The following TLE4 variants were observed in gnomAD, a reference collection of about 807,000 sequenced individuals.
The protein encoded by TLE4 is transducin-like enhancer protein 4.
A neutral mutation model predicts 92.8 loss-of-function variants in TLE4; 8 were observed. The observed-to-expected ratio is 0.09, with a 90% CI of 0.05 to 0.16. TLE4 has a LOEUF of 0.16. Among genes scored for constraint, TLE4 ranks in the 10% least tolerant of loss-of-function variants. The pLI is 1.00. For synonymous variants in TLE4, 371 were observed against 374.1 expected (o/e 0.99, Z 0.10); for missense variants, 675 against 997.6 (o/e 0.68, Z 4.36).
chr9:79,625,530 A>G (rs1344879953), intron 5 of TLE4, among the ~76,000 whole-genome samples: 1 of 152,128 alleles, frequency 6.6e-6, no homozygotes, highest in African/African-American at 2.4e-5. Context: ...TAGGAAAGTA[A>G]AAGGTGGAAA....
intron 4 of TLE4, among the ~76,000 whole-genome samples, chr9:79,579,636 ATG>A (rs1195385402): frequency 6.6e-6 from 1 of 151,988 alleles, no homozygotes; most frequent in Non-Finnish European, 1.5e-5. Context: ...TGTATGTTTT[ATG>A]TGTGTATTTT....
intron 8 of TLE4, among the ~76,000 whole-genome samples, chr9:79,665,585 A>G (rs1304843066): frequency 6.6e-6 from 1 of 152,248 alleles, no homozygotes; most frequent in African/African-American, 2.4e-5. Flanking sequence ...AATGCATGCA[A>G]ACATGAACCT....
At chr9:79,600,272 A>G (rs1392695311) in intron 4 of TLE4, among the ~76,000 whole-genome samples, 3 of 152,230 alleles carry the variant, frequency 2.0e-5, no homozygotes, top group Admixed American at 6.5e-5. Flanking sequence ...AAAAAAGAAG[A>G]AAACAAACAA....
chr9:79,588,135 CGTGT>C lies in TLE4; in HGVS notation c.252+11983_252+11986del, dbSNP rs71364418. On this transcript the variant is annotated intron_variant, in intron 4 of 19. Transcript: ENST00000376552. ...TGGTAAACTTCTTTGTTTATCCTTG[CGTGT>C]GTGTGTGTGTGTGTGTGTGTGTGTT... 6.1e-5 allele frequency among the ~76,000 whole-genome samples: 9 copies of C among 146,696 alleles called. 1 individual carries two copies. Among genetic ancestry groups the C allele is most frequent in the Admixed American group, 4.7e-4 (7 of 14,754 alleles).
intron 14 of TLE4, among the ~76,000 whole-genome samples, chr9:79,715,868 G>T (rs2074396072): frequency 6.6e-6 from 1 of 152,062 alleles, no homozygotes. Context: ...CATCACCCCT[G>T]TGTCACCTCC....
intron 14 of TLE4, among the ~76,000 whole-genome samples, chr9:79,716,743 A>AT (rs2074569747): frequency 6.6e-6 from 1 of 152,160 alleles, no homozygotes; most frequent in Non-Finnish European, 1.5e-5. Flanking sequence ...ACTCTGTTAA[A>AT]TTCCTAGACT....
intron 8 of TLE4, among the ~76,000 whole-genome samples, chr9:79,674,528 G>A (rs372097402): frequency 3.3e-5 from 5 of 152,218 alleles, no homozygotes; most frequent in African/African-American, 1.2e-4. Flanking sequence ...GGCCTGCCAC[G>A]TAGGAAAATA....
At position 79,689,067 on chromosome 9, in the gene TLE4, C is replaced by T. The variant is rs189208880; in HGVS notation, c.610-15716C>T. 4.7e-3 allele frequency among the ~76,000 whole-genome samples: 707 copies of T among 149,370 alleles called. 2 individuals carry two copies. Among genetic ancestry groups the T allele is most frequent in the Middle Eastern group, 0.017 (5 of 292 alleles). On this transcript the variant is annotated intron_variant, in intron 8 of 19. Coordinates refer to ENST00000376552, the MANE Select transcript of TLE4 (RefSeq NM_007005.6). ...ATTTTATTATTAGCTTGACCCACTA[C>T]TCCATTTTCCTATATGTTTCCATAT... is the stretch of plus-strand genomic sequence containing the variant.
chr9:79,709,921 C>T (rs2072797962), intron 14 of TLE4, among the ~76,000 whole-genome samples: 1 of 152,172 alleles, frequency 6.6e-6, no homozygotes. Flanking sequence ...ATGCAAATTG[C>T]AGAGGCATCT....
chr9:79,692,211 T>G (rs2067225762), intron 8 of TLE4, among the ~76,000 whole-genome samples: 1 of 152,166 alleles, frequency 6.6e-6, no homozygotes. Flanking sequence ...AGAAGGCACA[T>G]TTGACATGAA....
intron 5 of TLE4, among the ~76,000 whole-genome samples, chr9:79,618,378 G>A (rs1217100414): frequency 1.3e-5 from 2 of 152,180 alleles, no homozygotes; most frequent in Non-Finnish European, 2.9e-5. Context: ...GAATGTTGGA[G>A]AAGAGTCACC....
chr9:79,721,900 GGCT>G lies in TLE4; in HGVS notation c.1986+14_1986+16del. 1 of 1,603,794 alleles carries G rather than the reference GGCT, an allele frequency of 6.2e-7. No individual in the cohort carries two copies. Among genetic ancestry groups the G allele is most frequent in the Non-Finnish European group, 8.5e-7 (1 of 1,175,470 alleles). ...ACTTCACCTCCCAGGTATGATCCGT[GGCT>G]GAGGCATTTTAAAGATACGGTTTTA... On this transcript the variant is annotated intron_variant, in intron 17 of 19. Transcript: ENST00000376552.
At chr9:79,581,140 A>G (rs2039550251) in intron 4 of TLE4, among the ~76,000 whole-genome samples, 1 of 152,172 alleles carries the variant, frequency 6.6e-6, no homozygotes, top group Non-Finnish European at 1.5e-5. Context: ...TCATTTGGGC[A>G]TTTTAAAATA....
intron 4 of TLE4, among the ~76,000 whole-genome samples, chr9:79,591,396 T>C (rs896689265): frequency 3.9e-5 from 6 of 152,108 alleles, no homozygotes; most frequent in African/African-American, 1.4e-4. Context: ...TCCAGCTTTA[T>C]TGAGTGGTAG....
chr9:79,654,031 G>A (rs2059409033), intron 7 of TLE4, 28 bp from the exon 8 acceptor site: 6 of 1,613,356 alleles, frequency 3.7e-6, no homozygotes, highest in Non-Finnish European at 4.2e-6. Flanking sequence ...CACTTTATCT[G>A]CTTGTGTTGC....
rs1215883141 is a variant in TLE4 at position 79,652,668 on chromosome 9, C to A, written c.466C>A (p.Gln156Lys). 6.2e-7 allele frequency: 1 copy of A among 1,614,208 alleles called. No individual in the cohort carries two copies. Among genetic ancestry groups the A allele is most frequent in the Non-Finnish European group, 8.5e-7 (1 of 1,180,026 alleles). ...VPLTPHPSGL[Q>K]PPAIPPIGSS... ...TCTGACTCCACACCCTTCAGGGCTC[C>A]AGCCCCCTGCCATTCCACCCATCGG... Residue 156 changes from glutamine (Q) to lysine (K), a missense_variant, in exon 7 of 20, where the codon CAG becomes AAG. Around this residue, in one of 5 missense-constraint regions of TLE4, gnomAD observed 280 missense variants for 287.3 expected, o/e 0.97. Transcript: ENST00000376552.
intron 19 of TLE4, among the ~76,000 whole-genome samples, 189 bp downstream of exon 19, chr9:79,723,224 C>T (rs1359313715): frequency 6.6e-6 from 1 of 152,160 alleles, no homozygotes; most frequent in Non-Finnish European, 1.5e-5. Context: ...GGGGATAGTC[C>T]CCAGTGTTCT....
intron 6 of TLE4, among the ~76,000 whole-genome samples, chr9:79,640,621 C>T (rs536974586): frequency 1.9e-4 from 29 of 152,080 alleles, no homozygotes; most frequent in African/African-American, 7.0e-4. Context: ...CTCACTCTGC[C>T]GTCTTCCATA....
At chr9:79,623,265 C>T (rs1165284982) in intron 5 of TLE4, among the ~76,000 whole-genome samples, 3 of 151,874 alleles carry the variant, frequency 2.0e-5, no homozygotes, top group African/African-American at 7.3e-5. Flanking sequence ...AGAAGTACTG[C>T]ATCTGTTGCT....
Sources: allele counts gnomAD v4.1 joint callset (sites outside exome capture counted in the v4.1 genomes callset), GRCh38; gene constraint gnomAD v4.1.1; regional missense constraint gnomAD v4.1.1; transcripts MANE v1.5; gene names NCBI Gene and HGNC (gene_info 2026-07-23, HGNC 2026-07-21).